The following ELF2 variants were observed in gnomAD, a reference collection of about 807,000 sequenced individuals.
ELF2 encodes the protein E74 like ETS transcription factor 2, also known as ETS-related transcription factor Elf-2.
ELF2 carries 11 observed loss-of-function variants against 54.8 expected under a neutral mutation model. The ratio of observed to expected loss-of-function variants is 0.20; its 90% CI spans 0.13 to 0.33. The LOEUF is 0.33. Ranked by LOEUF, ELF2 falls within the 10% of genes least tolerant of loss-of-function variation. The pLI is 1.00. For synonymous variants in ELF2, 203 were observed against 245.1 expected (o/e 0.83, Z 1.61); for missense variants, 513 against 703.0 (o/e 0.73, Z 3.06).
At chr4:139,109,150 C>T (rs1734712683) in intron 4 of ELF2, among the ~76,000 whole-genome samples, 1 of 151,638 alleles carries the variant, frequency 6.6e-6, no homozygotes, top group South Asian at 2.1e-4. Flanking sequence ...CAGGAAGATG[C>T]TTCAATAATT....
chr4:139,159,003 C>T (rs995390772), intron 1 of ELF2, among the ~76,000 whole-genome samples: 2 of 152,060 alleles, frequency 1.3e-5, no homozygotes, highest in Admixed American at 6.6e-5. Context: ...TAATAAAGGC[C>T]GGTCCGTTAT....
intron 4 of ELF2, chr4:139,101,633 T>C (rs1240719675): frequency 6.6e-6 from 1 of 152,226 alleles, no homozygotes; most frequent in African/African-American, 2.4e-5. Flanking sequence ...ACAATAGTGG[T>C]CTCTGACCTA....
intron 3 of ELF2, chr4:139,137,413 A>G: frequency 1.7e-6 from 1 of 585,198 alleles, no homozygotes; most frequent in Non-Finnish European, 3.0e-6. Flanking sequence ...CTCCAAGTTC[A>G]TTCTAATATA....
In ELF2 at chr4:139,114,591, A is replaced by G. The variant is rs886504823; in HGVS notation, c.238+10573T>C. 2.5e-4 allele frequency among the ~76,000 whole-genome samples: 36 copies of G among 146,884 alleles called. 1 individual carries two copies. The highest frequency in any genetic ancestry group is 7.0e-4 in the African/African-American group (28 of 39,818). On this transcript the variant is annotated intron_variant, in intron 4 of 9. Transcript: ENST00000686138. Reference sequence around the variant, plus strand: ...CACACACACACACACACACACACACACACACAATTTAGGAGCATGCTCAGC... The same window carrying G: ...CACACACACACACACACACACACACGCACACAATTTAGGAGCATGCTCAGC...
At chr4:139,108,287 A>T (rs931466633) in intron 4 of ELF2, among the ~76,000 whole-genome samples, 38 of 152,322 alleles carry the variant, frequency 2.5e-4, no homozygotes, top group Admixed American at 2.0e-3. Flanking sequence ...CATTTTGCAG[A>T]TGAGGAAACT....
At chr4:139,156,067 G>A (rs1017396748) in intron 1 of ELF2, among the ~76,000 whole-genome samples, 1 of 152,164 alleles carries the variant, frequency 6.6e-6, no homozygotes, top group African/African-American at 2.4e-5. Flanking sequence ...CATTTCAAGA[G>A]TCTCATACCA....
chr4:139,072,763 T>C (rs191666465), intron 5 of ELF2, among the ~76,000 whole-genome samples: 128 of 152,306 alleles, frequency 8.4e-4, no homozygotes, highest in African/African-American at 2.5e-3. Context: ...CTTAGATTAA[T>C]AGACTGACCA....
intron 7 of ELF2, among the ~76,000 whole-genome samples, chr4:139,063,083 C>A (rs1478705939): frequency 6.6e-6 from 1 of 152,060 alleles, no homozygotes; most frequent in East Asian, 1.9e-4. Flanking sequence ...CATGGTGAAA[C>A]CCCATCTCTA....
intron 1 of ELF2, among the ~76,000 whole-genome samples, chr4:139,148,853 A>G (rs1193362993): frequency 2.0e-5 from 3 of 152,214 alleles, no homozygotes; most frequent in Admixed American, 2.0e-4. Context: ...TACCAGCAGC[A>G]TTTGAAGATA....
At chr4:139,129,630 C>A (rs1737288126) in intron 3 of ELF2, among the ~76,000 whole-genome samples, 1 of 152,126 alleles carries the variant, frequency 6.6e-6, no homozygotes, top group African/African-American at 2.4e-5. Flanking sequence ...TATTTCTGTC[C>A]TTTAAAGTCC....
intron 3 of ELF2, among the ~76,000 whole-genome samples, chr4:139,125,839 C>G (rs935508038): frequency 6.7e-6 from 1 of 149,664 alleles, no homozygotes; most frequent in African/African-American, 2.5e-5. Flanking sequence ...AGAGAATCTA[C>G]AGAAAGCAAC....
chr4:139,167,880 T>C (rs1356750594), intron 1 of ELF2, among the ~76,000 whole-genome samples: 4 of 152,182 alleles, frequency 2.6e-5, no homozygotes, highest in Non-Finnish European at 5.9e-5. Context: ...CCCAAGATAA[T>C]TGAACAAGGG....
intron 4 of ELF2, among the ~76,000 whole-genome samples, chr4:139,120,253 C>T (rs535805400): frequency 1.3e-4 from 19 of 149,776 alleles, no homozygotes; most frequent in Admixed American, 2.6e-4. Flanking sequence ...CTGTGCCTCT[C>T]CCCTTATATG....
chr4:139,084,187 C>T (rs1373278913), intron 4 of ELF2: 1 of 1,613,310 alleles, frequency 6.2e-7, no homozygotes, highest in East Asian at 2.2e-5. Flanking sequence ...AGAGACGTCG[C>T]CATGTTTATC....
rs1456718566 is a variant in ELF2, at chr4:139,137,546, AAT to A, written c.72+82_72+83del. On this transcript the variant is annotated intron_variant, in intron 3 of 9. Coordinates refer to ENST00000686138, the MANE Select transcript of ELF2 (RefSeq NM_001331036.3). ...CATGCTTTGTACATTTTTACTCTCA[AAT>A]ATGTTTCCTATTAATTTCAAAATTA... 4.6e-5 allele frequency: 61 copies of A among 1,323,994 alleles called. No individual in the cohort carries two copies. In the East Asian group the frequency reaches 1.1e-3, roughly 24 times the overall value. 82.0% of individuals were successfully genotyped at this position (1,323,994 alleles called of 1,614,324 possible). A position where few individuals can be genotyped will look rare whatever the true frequency, so the allele number is the denominator to read the frequency against.
chr4:139,114,849 T>A (rs376959695), intron 4 of ELF2: 1 of 1,596,524 alleles, frequency 6.3e-7, no homozygotes, highest in East Asian at 2.2e-5. Flanking sequence ...GGCCGCAGGG[T>A]CCCCCGGTAT....
chr4:139,074,622 T>C (rs1378736166), intron 4 of ELF2, among the ~76,000 whole-genome samples: 2 of 151,852 alleles, frequency 1.3e-5, no homozygotes, highest in Non-Finnish European at 2.9e-5. Flanking sequence ...TAGCCGGGCG[T>C]GGTGGCGGGC....
chr4:139,079,258 G>T (rs922378208), intron 4 of ELF2, among the ~76,000 whole-genome samples: 1 of 152,092 alleles, frequency 6.6e-6, no homozygotes, highest in South Asian at 2.1e-4. Context: ...AAAACAAAAA[G>T]TAAGTAGCTT....
intron 4 of ELF2, among the ~76,000 whole-genome samples, chr4:139,073,886 T>C (rs1244995371): frequency 6.6e-6 from 1 of 152,132 alleles, no homozygotes; most frequent in Non-Finnish European, 1.5e-5. Context: ...ATCCCAGCAC[T>C]CTGGGAGGCC....
Sources: allele counts gnomAD v4.1 joint callset (sites outside exome capture counted in the v4.1 genomes callset), GRCh38; gene constraint gnomAD v4.1.1; transcripts MANE v1.5; gene names NCBI Gene and HGNC (gene_info 2026-07-23, HGNC 2026-07-21).